Variants in MPP7 observed in about 807,000 individuals in gnomAD.
MPP7 encodes MAGUK p55 scaffold protein 7, also known as MAGUK p55 subfamily member 7.
Under a neutral mutation model 76.5 loss-of-function variants are expected in MPP7, and 60 were observed. The ratio of observed to expected loss-of-function variants is 0.78; its 90% CI spans 0.64 to 0.97. MPP7 has a LOEUF of 0.97. Among genes scored for constraint, MPP7 ranks in the 50% least tolerant of loss-of-function variants. MPP7 has a pLI of 0.00. For synonymous variants in MPP7, 237 were observed against 244.5 expected (o/e 0.97, Z 0.29); for missense variants, 641 against 694.0 (o/e 0.92, Z 0.86).
intron 1 of MPP7, among the ~76,000 whole-genome samples, chr10:28,296,755 A>G (rs1841045562): frequency 6.6e-6 from 1 of 152,246 alleles, no homozygotes; most frequent in African/African-American, 2.4e-5. Flanking sequence ...CAAGAAAAAA[A>G]CATTTATATG....
intron 1 of MPP7, among the ~76,000 whole-genome samples, chr10:28,243,044 T>C (rs1839320284): frequency 6.6e-6 from 1 of 152,048 alleles, no homozygotes; most frequent in Admixed American, 6.6e-5. Context: ...ATGATTTGAG[T>C]TGTGAGTTAT....
upstream of MPP7, among the ~76,000 whole-genome samples, chr10:28,306,146 G>T (rs531738618): frequency 9.9e-5 from 15 of 152,282 alleles, no homozygotes; most frequent in African/African-American, 3.6e-4. Flanking sequence ...CCCTCACTAT[G>T]GAGGGCCAGA....
chr10:28,281,535 T>C (rs1378843674), intron 1 of MPP7, among the ~76,000 whole-genome samples: 3 of 152,074 alleles, frequency 2.0e-5, no homozygotes, highest in Non-Finnish European at 4.4e-5. Flanking sequence ...TAGGAAGAGA[T>C]GACAATATCA....
intron 2 of MPP7, among the ~76,000 whole-genome samples, chr10:28,319,328 CA>C (rs2133181982): frequency 6.6e-6 from 1 of 152,326 alleles, no homozygotes; most frequent in East Asian, 1.9e-4. Flanking sequence ...TACATTTCAA[CA>C]TGAGATTTGA....
chr10:28,331,683 T>C (rs1439310218), intron 1 of MPP7, among the ~76,000 whole-genome samples: 1 of 152,168 alleles, frequency 6.6e-6, no homozygotes, highest in Admixed American at 6.5e-5. Flanking sequence ...CAAGCGATTC[T>C]TGTGCTTCAG....
chr10:28,179,074 T>C (rs1362083713), intron 3 of MPP7, among the ~76,000 whole-genome samples: 1 of 152,128 alleles, frequency 6.6e-6, no homozygotes, highest in Non-Finnish European at 1.5e-5. Flanking sequence ...TCTCCAGGAC[T>C]GAAAAGGTCC....
chr10:28,221,339 T>C (rs1273906492), intron 2 of MPP7, among the ~76,000 whole-genome samples: 3 of 152,148 alleles, frequency 2.0e-5, no homozygotes, highest in Admixed American at 6.5e-5. Flanking sequence ...ACAGAATTCA[T>C]AACTATTGGG....
chr10:28,128,801 G>A (rs1356601972), intron 6 of MPP7, among the ~76,000 whole-genome samples: 3 of 152,168 alleles, frequency 2.0e-5, no homozygotes, highest in African/African-American at 7.2e-5. Context: ...CGAATTTAAA[G>A]ATTAGAAGAA....
chr10:28,088,840 C>G (rs749670506), intron 12 of MPP7, among the ~76,000 whole-genome samples: 3 of 152,160 alleles, frequency 2.0e-5, no homozygotes, highest in Non-Finnish European at 4.4e-5. Context: ...TGAGTCAAGG[C>G]AATCGATGTT....
At position 28,292,035 on chromosome 10, in the gene MPP7, G is replaced by A. The variant is rs150919842; in HGVS notation, c.-132+10826C>T. 6.6e-5 allele frequency among the ~76,000 whole-genome samples: 10 copies of A among 152,250 alleles called. No individual in the cohort carries two copies. The East Asian group carries it at 1.9e-3, about 29-fold the overall frequency. ...AACGTGTCCCATGCAGGTGGACCAT[G>A]TTTAATCTTTTTTACCATATTTTTA... is the stretch of plus-strand genomic sequence containing the variant. On this transcript the variant is annotated intron_variant, in intron 1 of 16. Coordinates refer to ENST00000683449, the MANE Select transcript of MPP7 (RefSeq NM_001318170.2).
rs757645051 is a variant in MPP7, at chr10:28,056,460, C to T, written c.1551+20G>A. On this transcript the variant is annotated intron_variant, in intron 16 of 16. Coordinates refer to ENST00000683449, the MANE Select transcript of MPP7 (RefSeq NM_001318170.2). ...AGGTGTGGGCCACCACACCTGGCCC[C>T]CAAGCATCATTATACTTACTGTGAA... is the stretch of plus-strand genomic sequence containing the variant. 2 of 1,603,348 alleles carry T rather than the reference C, an allele frequency of 1.2e-6. No individual in the cohort carries two copies. Among genetic ancestry groups the T allele is most frequent in the African/African-American group, 1.3e-5 (1 of 74,122 alleles).
intron 12 of MPP7, among the ~76,000 whole-genome samples, chr10:28,081,983 C>T (rs1052094356): frequency 2.0e-5 from 3 of 152,134 alleles, no homozygotes; most frequent in Non-Finnish European, 4.4e-5. Flanking sequence ...AATTCCTGAC[C>T]TCAGGTGATC....
At chr10:28,233,986 A>T (rs920828293) in intron 2 of MPP7, among the ~76,000 whole-genome samples, 33 of 152,110 alleles carry the variant, frequency 2.2e-4, no homozygotes, top group African/African-American at 7.5e-4. Context: ...AAAAGAGAAA[A>T]GAAACGAAAT....
At chr10:28,247,083 T>A (rs931713113) in intron 1 of MPP7, among the ~76,000 whole-genome samples, 1 of 152,198 alleles carries the variant, frequency 6.6e-6, no homozygotes, top group African/African-American at 2.4e-5. Flanking sequence ...ATAGTATGAT[T>A]TTAAAATAAA....
intron 2 of MPP7, among the ~76,000 whole-genome samples, chr10:28,213,002 T>C (rs1838192620): frequency 1.3e-5 from 2 of 152,102 alleles, no homozygotes; most frequent in South Asian, 2.1e-4. Context: ...TGCAGTGCCA[T>C]GATCAGAGCT....
At chr10:28,210,597 A>T (rs1375189306) in intron 2 of MPP7, among the ~76,000 whole-genome samples, 1 of 152,214 alleles carries the variant, frequency 6.6e-6, no homozygotes, top group African/African-American at 2.4e-5. Flanking sequence ...CAAAAATTTT[A>T]GGGGCTAAGA....
intron 1 of MPP7, among the ~76,000 whole-genome samples, chr10:28,251,213 C>A (rs1839602940): frequency 6.6e-6 from 1 of 152,200 alleles, no homozygotes; most frequent in Non-Finnish European, 1.5e-5. Context: ...GCCTGTAACA[C>A]CAGCACTTCG....
At chr10:28,082,071 A>T (rs769492140) in intron 12 of MPP7, among the ~76,000 whole-genome samples, 4 of 152,200 alleles carry the variant, frequency 2.6e-5, no homozygotes, top group Admixed American at 1.3e-4. Flanking sequence ...ATTTCCAAGG[A>T]GGACTATGAC....
At chr10:28,232,739 G>A (rs1230763602) in intron 2 of MPP7, among the ~76,000 whole-genome samples, 1 of 152,146 alleles carries the variant, frequency 6.6e-6, no homozygotes, top group Non-Finnish European at 1.5e-5. Flanking sequence ...TATGTCTTAT[G>A]TGTAGTCTGA....
Sources: allele counts gnomAD v4.1 joint callset (sites outside exome capture counted in the v4.1 genomes callset), GRCh38; gene constraint gnomAD v4.1.1; transcripts MANE v1.5; gene names NCBI Gene and HGNC (gene_info 2026-07-23, HGNC 2026-07-21).